Variants in PAK1 observed in about 807,000 individuals in gnomAD.
PAK1 encodes the protein serine/threonine-protein kinase PAK 1.
A neutral mutation model predicts 67.4 loss-of-function variants in PAK1; 29 were observed. That is an observed-to-expected ratio of 0.43 (90% confidence interval 0.32 to 0.59). The LOEUF is 0.59. PAK1 is among the 20% of genes least tolerant of loss of function. The pLI is 0.07. For synonymous variants in PAK1, 223 were observed against 237.4 expected, an observed-to-expected ratio of 0.94 and a Z score of 0.56; for missense variants, 337 against 670.7, an observed-to-expected ratio of 0.50 and a Z score of 5.50.
At chr11:77,456,943 G>A (rs1321485072) in intron 1 of PAK1, among the ~76,000 whole-genome samples, 12 of 152,098 alleles carry the variant, frequency 7.9e-5, no homozygotes, top group Non-Finnish European at 1.6e-4. Flanking sequence ...GGGTTTCTCC[G>A]TGTTAGCCAG....
chr11:77,429,729 G>C (rs1955771397), intron 1 of PAK1, among the ~76,000 whole-genome samples: 1 of 152,206 alleles, frequency 6.6e-6, no homozygotes, highest in East Asian at 1.9e-4. Flanking sequence ...GCTTCTAAAT[G>C]TAACACGTGA....
At chr11:77,492,031 G>A in the PAK1 span, among the ~76,000 whole-genome samples, 25,975 of 152,172 alleles carry the variant, frequency 0.17, 2,836 homozygotes, top group South Asian at 0.34. Flanking sequence ...TTGCAACAAG[G>A]AGTGGGAAAC....
chr11:77,400,813 T>C (rs1952574572), intron 1 of PAK1, among the ~76,000 whole-genome samples: 2 of 152,188 alleles, frequency 1.3e-5, no homozygotes, highest in Admixed American at 1.3e-4. Context: ...CATTCATCAG[T>C]GCAAATATTA....
chr11:77,453,900 C>A (rs1319909729), intron 1 of PAK1, among the ~76,000 whole-genome samples: 1 of 151,908 alleles, frequency 6.6e-6, no homozygotes, highest in Admixed American at 6.6e-5. Flanking sequence ...GGCAATATGG[C>A]GAAACCCCAT....
chr11:77,329,583 AC>A lies in PAK1; in HGVS notation c.1551+3146del, dbSNP rs772900843. ...AAAAGGCCTTTGACAAAATTCAACA[AC>A]CCTTCATGCTAAACACTCTCAATAA... On this transcript the variant is annotated intron_variant, in intron 14 of 14. Transcript: ENST00000356341. 1.1e-4 allele frequency among the ~76,000 whole-genome samples: 16 copies of A among 152,150 alleles called. 1 individual carries two copies. In the South Asian group the frequency reaches 2.7e-3, roughly 26 times the overall value.
chr11:77,465,138 G>A (rs970007734), intron 1 of PAK1, among the ~76,000 whole-genome samples: 5 of 152,064 alleles, frequency 3.3e-5, no homozygotes, highest in African/African-American at 7.2e-5. Context: ...GTAAAAAAAC[G>A]ATTTTTTGAA....
At chr11:77,421,105 C>G (rs1479194473) in intron 1 of PAK1, among the ~76,000 whole-genome samples, 1 of 152,166 alleles carries the variant, frequency 6.6e-6, no homozygotes, top group Non-Finnish European at 1.5e-5. Flanking sequence ...CTTAGAAAAA[C>G]ATACAAGGCC....
intron 1 of PAK1, among the ~76,000 whole-genome samples, chr11:77,399,511 A>G (rs1272187694): frequency 4.6e-5 from 7 of 152,228 alleles, no homozygotes; most frequent in African/African-American, 1.7e-4. Flanking sequence ...CCAGTGCTGA[A>G]GTACTCAGGG....
At chr11:77,340,571 A>G (rs1943445820) in intron 11 of PAK1, 75 bp downstream of exon 11, 6 of 787,406 alleles carry the variant, frequency 7.6e-6, no homozygotes, top group Admixed American at 5.1e-5. Context: ...CTGAGATCTC[A>G]CTGTACAGGG....
the PAK1 span, among the ~76,000 whole-genome samples, chr11:77,511,601 A>G: frequency 1.3e-5 from 2 of 152,152 alleles, no homozygotes; most frequent in Non-Finnish European, 2.9e-5. Flanking sequence ...CCAGGTGCCA[A>G]GACGTGACAA....
Position 77,355,712 on chromosome 11 carries a change from T to G in PAK1, c.728A>C (p.Lys243Thr). 1 of 1,613,652 alleles carries G rather than the reference T, an allele frequency of 6.2e-7. No individual in the cohort carries two copies. ...CTCATCAGACATTTTAGGCTTCTTC[T>G]TCTGCTTCTCAGTATTCCGGGTCAA... ...DALTRNTEKQ[K>T]KKPKMSDEEI... The change falls in exon 7 of 15, where the codon AAG (lysine) becomes ACG (threonine). Residue 243 changes from lysine (K) to threonine (T), a missense_variant. This residue lies in a region of PAK1 where 150 missense variants were observed against 179.0 expected (regional missense o/e 0.84). Transcript: ENST00000356341.
At chr11:77,472,429 G>A (rs1021047790) in intron 1 of PAK1, among the ~76,000 whole-genome samples, 13 of 152,208 alleles carry the variant, frequency 8.5e-5, no homozygotes, top group African/African-American at 3.1e-4. Context: ...GTCTGTAAGA[G>A]GAGAGACAGG....
At chr11:77,323,647 T>C (rs777898097) in intron 14 of PAK1, among the ~76,000 whole-genome samples, 3 of 152,180 alleles carry the variant, frequency 2.0e-5, no homozygotes, top group Non-Finnish European at 4.4e-5. Flanking sequence ...GAAATGTTCA[T>C]AAAAGATTTG....
intron 2 of PAK1, among the ~76,000 whole-genome samples, chr11:77,385,981 G>T (rs958124688): frequency 6.6e-6 from 1 of 152,194 alleles, no homozygotes; most frequent in African/African-American, 2.4e-5. Context: ...TTAAGACAGA[G>T]AAACTGTGGT....
At chr11:77,398,161 A>T (rs113362981) in intron 1 of PAK1, among the ~76,000 whole-genome samples, 4,885 of 152,288 alleles carry the variant, frequency 0.032, 131 homozygotes, top group African/African-American at 0.074. Flanking sequence ...TGCAATTGTT[A>T]TTATTGATTA....
Position 77,392,445 on chromosome 11 carries a change from C to T in PAK1, c.76G>A (p.Ala26Thr). ...PMRNTSTMIG[A>T]GSKDAGTLNH... ...AGGGTTCCAGCATCTTTGCTGCCGGCTCCAATCATAGTGCTGGTATTTCTC... is the reference window on the plus strand; with the variant it reads ...AGGGTTCCAGCATCTTTGCTGCCGGTTCCAATCATAGTGCTGGTATTTCTC... Residue 26 changes from alanine (A) to threonine (T), a missense_variant, in exon 2 of 15, where the codon GCC becomes ACC. Around this residue, in one of 8 missense-constraint regions of PAK1, gnomAD observed 27 missense variants for 37.0 expected, o/e 0.73. Transcript: ENST00000356341. The T allele has an allele frequency of 1.2e-6, 2 of 1,614,068 alleles. No homozygotes were observed. The highest frequency in any genetic ancestry group is 4.5e-5 in the East Asian group (2 of 44,884).
chr11:77,515,680 CTCCTCCT>C, the PAK1 span, among the ~76,000 whole-genome samples: 1 of 152,204 alleles, frequency 6.6e-6, no homozygotes, highest in Admixed American at 6.5e-5. Context: ...AAAGTAGTGT[CTCCTCCT>C]TCAACATTTG....
the PAK1 span, among the ~76,000 whole-genome samples, chr11:77,523,741 T>C: frequency 6.6e-6 from 1 of 152,206 alleles, no homozygotes; most frequent in African/African-American, 2.4e-5. Flanking sequence ...AAAATATGCA[T>C]TAATATATAT....
intron 6 of PAK1, among the ~76,000 whole-genome samples, chr11:77,358,019 A>G (rs1283644884): frequency 1.3e-5 from 2 of 152,200 alleles, no homozygotes; most frequent in African/African-American, 4.8e-5. Context: ...ATGATTCCAC[A>G]GATTCTGTTT....
Sources: allele counts gnomAD v4.1 joint callset (sites outside exome capture counted in the v4.1 genomes callset), GRCh38; gene constraint gnomAD v4.1.1; regional missense constraint gnomAD v4.1.1; transcripts MANE v1.5; gene names NCBI Gene and HGNC (gene_info 2026-07-23, HGNC 2026-07-21).